CYP2C18: variants seen among roughly 807,000 people sequenced by gnomAD.
CYP2C18 encodes cytochrome P450 2C18.
A neutral mutation model predicts 41.3 loss-of-function variants in CYP2C18; 38 were observed. The observed-to-expected ratio is 0.92, with a 90% CI of 0.71 to 1.21. The LOEUF (loss-of-function observed/expected upper bound fraction) is 1.21, where lower values mean the gene tolerates loss of function less well. Ranked by LOEUF, CYP2C18 falls within the 50% of genes most tolerant of loss-of-function variation. CYP2C18 has a pLI of 0.00. For missense variants in CYP2C18, 635 were observed against 591.4 expected, an observed-to-expected ratio of 1.07 and a Z score of -0.77; for synonymous variants, 236 against 210.0, an observed-to-expected ratio of 1.12 and a Z score of -1.07.
intron 1 of CYP2C18, 124 bp from the exon 2 acceptor site, chr10:94,687,646 T>G: frequency 1.1e-6 from 1 of 912,496 alleles, no homozygotes; most frequent in Non-Finnish European, 1.7e-6. Context: ...TACAAATATT[T>G]GAAGCTGTAT....
At chr10:94,714,285 T>C (rs1847500140) in intron 5 of CYP2C18, among the ~76,000 whole-genome samples, 1 of 152,224 alleles carries the variant, frequency 6.6e-6, no homozygotes, top group Non-Finnish European at 1.5e-5. Context: ...TGCCTAGGTT[T>C]TCTTCTAGGG....
At chr10:94,734,659 A>G (rs1847889170) in intron 8 of CYP2C18, among the ~76,000 whole-genome samples, 1 of 152,134 alleles carries the variant, frequency 6.6e-6, no homozygotes, top group Admixed American at 6.6e-5. Context: ...TTGATGAAGA[A>G]TGGATATGCC....
chr10:94,688,963 G>A (rs1846947813), intron 3 of CYP2C18, among the ~76,000 whole-genome samples: 1 of 152,100 alleles, frequency 6.6e-6, no homozygotes, highest in Non-Finnish European at 1.5e-5. Flanking sequence ...TGTACAGTCA[G>A]TCTCACTAAC....
intron 1 of CYP2C18, 150 bp from the exon 2 acceptor site, chr10:94,687,620 A>G (rs1564636636): frequency 6.3e-6 from 5 of 791,750 alleles, no homozygotes; most frequent in South Asian, 1.9e-5. Context: ...AATAATCATC[A>G]TCTTTGTCTA....
At chr10:94,730,090 G>A (rs1357303406) in intron 7 of CYP2C18, among the ~76,000 whole-genome samples, 1 of 152,062 alleles carries the variant, frequency 6.6e-6, no homozygotes, top group Non-Finnish European at 1.5e-5. Flanking sequence ...TTAATATAAA[G>A]AGTTGGATTT....
chr10:94,734,630 C>T (rs1043458265), intron 8 of CYP2C18, among the ~76,000 whole-genome samples: 4 of 152,010 alleles, frequency 2.6e-5, no homozygotes, highest in African/African-American at 7.2e-5. Context: ...AAGCTTGAAA[C>T]TTTGTGGTGT....
intron 4 of CYP2C18, among the ~76,000 whole-genome samples, chr10:94,704,743 C>T (rs1293200098): frequency 6.6e-6 from 1 of 152,162 alleles, no homozygotes; most frequent in Non-Finnish European, 1.5e-5. Flanking sequence ...TTCTAAATTT[C>T]TTAGTATACA....
At position 94,713,854 on chromosome 10, in the gene CYP2C18, T is replaced by C. The variant is rs189593141; in HGVS notation, c.820-6542T>C. 4.7e-3 allele frequency among the ~76,000 whole-genome samples: 709 copies of C among 152,354 alleles called. 4 individuals are homozygous for C. Among genetic ancestry groups the C allele is most frequent in the African/African-American group, 0.011 (467 of 41,582 alleles). ...TCCTCTCCAGCACCTGTTTCCTGAC[T>C]TTTTAATGATCGCCATTCTAACTGG... On this transcript the variant is annotated intron_variant, in intron 5 of 8. Transcript: ENST00000285979.
intron 1 of CYP2C18, 62 bp downstream of exon 1, chr10:94,684,049 A>G: frequency 2.5e-6 from 3 of 1,215,036 alleles, no homozygotes; most frequent in Middle Eastern, 2.6e-4. Flanking sequence ...CAATTCTTAA[A>G]GTTTTATTTC....
intron 4 of CYP2C18, among the ~76,000 whole-genome samples, chr10:94,698,363 AACT>A (rs1326649719): frequency 2.0e-5 from 3 of 152,204 alleles, no homozygotes; most frequent in Admixed American, 6.5e-5. Flanking sequence ...AAACTGAACA[AACT>A]GCTCCTGAAT....
chr10:94,716,247 C>T (rs1847540495), intron 5 of CYP2C18, among the ~76,000 whole-genome samples: 2 of 152,126 alleles, frequency 1.3e-5, no homozygotes, highest in African/African-American at 4.8e-5. Context: ...TTTGCTCTTG[C>T]TTCTCTAGTT....
intron 4 of CYP2C18, among the ~76,000 whole-genome samples, chr10:94,702,522 A>G (rs1326113010): frequency 6.6e-6 from 1 of 151,518 alleles, no homozygotes; most frequent in Admixed American, 6.6e-5. Context: ...TGCTTGATCA[A>G]TTTGGCTATT....
chr10:94,730,069 T>C (rs1847802354), intron 7 of CYP2C18, among the ~76,000 whole-genome samples: 1 of 152,140 alleles, frequency 6.6e-6, no homozygotes, highest in African/African-American at 2.4e-5. Flanking sequence ...GTTTTCTTAT[T>C]GTATTCATTT....
In CYP2C18 at chr10:94,686,465, T is replaced by A. The variant is rs1846889469; in HGVS notation, c.169-1305T>A. ...CCAGTACTCTGTTGAACAGAAATGG[T>A]CAGAGGGGGCATTCTTCTCTTATTT... On this transcript the variant is annotated intron_variant, in intron 1 of 8. Coordinates refer to ENST00000285979, the MANE Select transcript of CYP2C18 (RefSeq NM_000772.3). Among the ~76,000 whole-genome samples the A allele has an allele frequency of 2.0e-5, 3 of 152,152 alleles. No homozygotes were observed. In the South Asian group the frequency reaches 6.2e-4, roughly 32 times the overall value.
At chr10:94,687,317 A>G (rs1376771887) in intron 1 of CYP2C18, among the ~76,000 whole-genome samples, 1 of 152,156 alleles carries the variant, frequency 6.6e-6, no homozygotes, top group Non-Finnish European at 1.5e-5. Flanking sequence ...TCCCTATGGG[A>G]TGAGCTTTGC....
Position 94,694,131 on chromosome 10 carries a change from A to C in CYP2C18, c.482-786A>C, listed in dbSNP as rs548509119. On this transcript the variant is annotated intron_variant, in intron 3 of 8. Transcript: ENST00000285979. ...TTCTATAAGAGGTCAGGCTTTGTTC[A>C]AATAAATTGAAGATAGTGCCTGGTG... 6.6e-5 allele frequency among the ~76,000 whole-genome samples: 10 copies of C among 152,324 alleles called. No individual in the cohort carries two copies. The South Asian group carries it at 8.3e-4, about 13-fold the overall frequency.
In CYP2C18 at chr10:94,703,044, C is replaced by T. The variant is rs559499575; in HGVS notation, c.643-3740C>T. Among the ~76,000 whole-genome samples the T allele has an allele frequency of 4.6e-5, 7 of 152,282 alleles. No individual in the cohort carries two copies. In the South Asian group the frequency reaches 8.3e-4, roughly 18 times the overall value. ...GGGGGTCCACTCCAGACCCTGTTTGCCTGGGTATCACCAGCAGCGGCTGCA... is the reference window on the plus strand; with the variant it reads ...GGGGGTCCACTCCAGACCCTGTTTGTCTGGGTATCACCAGCAGCGGCTGCA... On this transcript the variant is annotated intron_variant, in intron 4 of 8. Transcript: ENST00000285979.
intron 5 of CYP2C18, among the ~76,000 whole-genome samples, chr10:94,715,908 T>C (rs1847533232): frequency 6.6e-6 from 1 of 152,168 alleles, no homozygotes; most frequent in Non-Finnish European, 1.5e-5. Context: ...TGGTTTAGTC[T>C]TGGGAGAGTG....
chr10:94,688,300 A>C, intron 3 of CYP2C18, 26 bp downstream of exon 3: 3 of 1,578,678 alleles, frequency 1.9e-6, no homozygotes, highest in Non-Finnish European at 2.6e-6. Flanking sequence ...TTTTCCTGAA[A>C]AATGTTTTCT....
Sources: allele counts gnomAD v4.1 joint callset (sites outside exome capture counted in the v4.1 genomes callset), GRCh38; gene constraint gnomAD v4.1.1; transcripts MANE v1.5; gene names NCBI Gene and HGNC (gene_info 2026-07-23, HGNC 2026-07-21).